Variants in TSGA10 observed in about 807,000 individuals in gnomAD.
TSGA10 encodes the protein testis-specific gene 10 protein.
A neutral mutation model predicts 96.6 loss-of-function variants in TSGA10; 43 were observed. That is an observed-to-expected ratio of 0.44 (90% CI 0.35 to 0.57). The LOEUF (loss-of-function observed/expected upper bound fraction) is 0.57. Ranked by LOEUF, TSGA10 falls within the 20% of genes least tolerant of loss-of-function variation. The probability of loss-of-function intolerance (pLI) is 0.01; values close to 1 mark genes in which losing one functional copy is unlikely to be tolerated. For missense variants in TSGA10, 703 were observed against 834.4 expected, an observed-to-expected ratio of 0.84 and a Z score of 1.94; for synonymous variants, 229 against 269.9, an observed-to-expected ratio of 0.85 and a Z score of 1.48.
chr2:99,142,271 T>G (rs1375859196), intron 1 of TSGA10: 2 of 152,222 alleles, frequency 1.3e-5, no homozygotes, highest in African/African-American at 4.8e-5. Context: ...TGACTTTATC[T>G]CCTTTTCCTG....
At chr2:99,141,280 G>A (rs2093540437) in intron 1 of TSGA10, 5 of 616,930 alleles carry the variant, frequency 8.1e-6, no homozygotes, top group Non-Finnish European at 1.1e-5. Context: ...GGAGCCCGCG[G>A]GAAGGAGGAG....
chr2:99,141,523 C>G (rs1418116718), intron 1 of TSGA10: 3 of 154,242 alleles, frequency 1.9e-5, no homozygotes, highest in Non-Finnish European at 4.4e-5. Context: ...TTACAGGGCA[C>G]CTAGGAGGGA....
At chr2:99,144,685 T>C (rs2093614451) in intron 1 of TSGA10, among the ~76,000 whole-genome samples, 1 of 136,978 alleles carries the variant, frequency 7.3e-6, no homozygotes, top group Non-Finnish European at 1.6e-5. Context: ...GCTGAAAGCA[T>C]GAGGATAAGT....
intron 1 of TSGA10, among the ~76,000 whole-genome samples, chr2:99,136,471 G>C (rs1369123195): frequency 6.6e-6 from 1 of 152,128 alleles, no homozygotes; most frequent in African/African-American, 2.4e-5. Flanking sequence ...AATGCACACA[G>C]ATGCTAAGGT....
intron 1 of TSGA10, among the ~76,000 whole-genome samples, chr2:99,134,347 G>A (rs938587055): frequency 1.3e-5 from 2 of 151,698 alleles, no homozygotes; most frequent in African/African-American, 4.8e-5. Flanking sequence ...CAATCTCATA[G>A]CCTTTCTTCC....
intron 1 of TSGA10, chr2:99,141,940 G>A (rs1446637551): frequency 6.6e-6 from 1 of 152,450 alleles, no homozygotes; most frequent in Non-Finnish European, 1.5e-5. Context: ...CTGTCCCGGT[G>A]AGCGTGGGCA....
intron 12 of TSGA10, among the ~76,000 whole-genome samples, chr2:99,073,945 G>T (rs12474477): frequency 0.36 from 51,756 of 142,852 alleles, 10,285 homozygotes; most frequent in African/African-American, 0.56. Flanking sequence ...TAAGTAAAAA[G>T]ATTTTTAAAA....
chr2:99,097,681 C>A (rs938382473), intron 10 of TSGA10, among the ~76,000 whole-genome samples: 1 of 152,020 alleles, frequency 6.6e-6, no homozygotes, highest in African/African-American at 2.4e-5. Flanking sequence ...TTGATAATAA[C>A]AGAAAGCATA....
chr2:99,123,863 T>G (rs574944689), intron 2 of TSGA10, among the ~76,000 whole-genome samples: 2 of 152,376 alleles, frequency 1.3e-5, no homozygotes, highest in East Asian at 1.9e-4. Context: ...CATGCCATAT[T>G]TTGTTTATCC....
chr2:99,097,982 T>C (rs540786767), intron 10 of TSGA10, among the ~76,000 whole-genome samples: 1 of 152,240 alleles, frequency 6.6e-6, no homozygotes, highest in East Asian at 1.9e-4. Flanking sequence ...ATTGTAAACG[T>C]ATATGCACCT....
chr2:99,076,817 T>C (rs1484939878), intron 12 of TSGA10, among the ~76,000 whole-genome samples: 2 of 152,146 alleles, frequency 1.3e-5, no homozygotes, highest in African/African-American at 4.8e-5. Context: ...CTTCTTTCCC[T>C]GACTACTATC....
At chr2:99,076,062 CAAACCTA>C (rs1227472861) in intron 12 of TSGA10, among the ~76,000 whole-genome samples, 1 of 152,052 alleles carries the variant, frequency 6.6e-6, no homozygotes, top group Non-Finnish European at 1.5e-5. Flanking sequence ...AATTTTCCTC[CAAACCTA>C]AAAGTCCAAG....
At chr2:98,998,311 A>C (rs2077609444) in intron 20 of TSGA10, 90 bp from the exon 21 acceptor site, 1 of 1,045,080 alleles carries the variant, frequency 9.6e-7, no homozygotes, top group East Asian at 2.5e-5. Context: ...GTATCACTTC[A>C]GCAAAACGTA....
At chr2:99,091,483 T>C (rs1302419070) in intron 10 of TSGA10, among the ~76,000 whole-genome samples, 2 of 152,160 alleles carry the variant, frequency 1.3e-5, no homozygotes, top group Non-Finnish European at 2.9e-5. Flanking sequence ...GTAAATGGCC[T>C]AAATGCTCCA....
intron 1 of TSGA10, among the ~76,000 whole-genome samples, chr2:99,136,014 A>AAAAAAAAC (rs2093312645): frequency 2.0e-5 from 3 of 151,996 alleles, no homozygotes; most frequent in Admixed American, 6.6e-5. Context: ...CGTACCAAAA[A>AAAAAAAAC]AAAAAAAGGG....
At chr2:99,011,099 C>T (rs1317686543) in intron 20 of TSGA10, among the ~76,000 whole-genome samples, 2 of 152,184 alleles carry the variant, frequency 1.3e-5, no homozygotes, top group Non-Finnish European at 2.9e-5. Context: ...ACCCACCTAA[C>T]CCTGCCCCGA....
chr2:99,047,386 G>A (rs145288890), intron 16 of TSGA10, among the ~76,000 whole-genome samples: 8,319 of 152,152 alleles, frequency 0.055, 420 homozygotes, highest in East Asian at 0.21. Flanking sequence ...ATGATCAAGC[G>A]GGCTTCATCC....
intron 10 of TSGA10, among the ~76,000 whole-genome samples, chr2:99,085,661 AT>A (rs1359383985): frequency 6.8e-6 from 1 of 147,630 alleles, no homozygotes; most frequent in African/African-American, 2.5e-5. Context: ...TTCTAGAAAA[AT>A]TTAAAAAACT....
In TSGA10 at chr2:99,011,760, G is replaced by A. The variant is rs190039409; in HGVS notation, c.2072+6440C>T. ...CACATGTGTATATAAGAAAACAAAT[G>A]GGGTAAAATTTTTTAAATAATGAGT... On this transcript the variant is annotated intron_variant, in intron 20 of 20. Transcript: ENST00000393483. Among the ~76,000 whole-genome samples the A allele has an allele frequency of 6.3e-3, 960 of 152,102 alleles. 1 individual carries two copies. Among genetic ancestry groups the A allele is most frequent in the Non-Finnish European group, 0.01 (697 of 67,992 alleles).
Sources: gnomAD v4.1 joint callset for allele counts (sites outside exome capture counted in the v4.1 genomes callset) on GRCh38, gnomAD v4.1.1 for gene constraint, MANE v1.5 for transcripts, NCBI Gene and HGNC (gene_info 2026-07-23, HGNC 2026-07-21) for gene names.